Variants in JARID2 observed in about 807,000 individuals in gnomAD.
JARID2 encodes protein Jumonji.
In JARID2, 21 loss-of-function variants were observed where a neutral mutation model predicts 125.6. That is an observed-to-expected ratio of 0.17 (90% confidence interval 0.12 to 0.24). JARID2 has a LOEUF of 0.24. Among genes scored for constraint, JARID2 ranks in the 10% least tolerant of loss-of-function variants. JARID2 has a pLI of 1.00. For missense variants in JARID2, 1,303 were observed against 1,639.6 expected (o/e 0.79, Z 3.55); for synonymous variants, 736 against 661.6 (o/e 1.11, Z -1.73).
Position 15,513,070 on chromosome 6 carries a change from CAG to C in JARID2, c.3266+30_3266+31del. 1.9e-6 allele frequency: 3 copies of C among 1,613,692 alleles called. No homozygotes were observed. In the South Asian group the frequency reaches 3.3e-5, roughly 18 times the overall value. Reference sequence around the variant, plus strand: ...GGTAACAGACCCCCAGAGCCCACGCCAGAGAGCTGGACCCGGCTGCCCTTCGG... The same window carrying C: ...GGTAACAGACCCCCAGAGCCCACGCCAGAGCTGGACCCGGCTGCCCTTCGG... On this transcript the variant is annotated intron_variant, in intron 15 of 17. Transcript: ENST00000341776.
intron 1 of JARID2, among the ~76,000 whole-genome samples, chr6:15,333,867 GT>G (rs1762796702): frequency 6.6e-6 from 1 of 152,160 alleles, no homozygotes; most frequent in Non-Finnish European, 1.5e-5. Flanking sequence ...TGACTAGGGA[GT>G]CTTGGGGCCA....
intron 2 of JARID2, among the ~76,000 whole-genome samples, chr6:15,384,473 T>C (rs1174575678): frequency 6.6e-6 from 1 of 152,062 alleles, no homozygotes; most frequent in African/African-American, 2.4e-5. Flanking sequence ...TTGCCCCTTC[T>C]TCCCTTTTTC....
intron 5 of JARID2, among the ~76,000 whole-genome samples, chr6:15,486,805 A>ATTTTTTTT (rs766075740): frequency 7.4e-5 from 3 of 40,638 alleles, no homozygotes; most frequent in South Asian, 7.4e-4. Flanking sequence ...CTGAGAATAG[A>ATTTTTTTT]CTTTTTTTTT....
At chr6:15,292,417 C>T (rs989051752) in intron 1 of JARID2, among the ~76,000 whole-genome samples, 1 of 152,052 alleles carries the variant, frequency 6.6e-6, no homozygotes, top group African/African-American at 2.4e-5. Context: ...CTGCAGTTTT[C>T]TTTAACTATT....
chr6:15,442,075 G>A (rs1036859290), intron 3 of JARID2, among the ~76,000 whole-genome samples: 1 of 150,656 alleles, frequency 6.6e-6, no homozygotes, highest in African/African-American at 2.4e-5. Flanking sequence ...TAGCATTGTA[G>A]AATACAATTT....
chr6:15,500,263 C>T (rs546324421), intron 7 of JARID2, among the ~76,000 whole-genome samples: 4 of 152,286 alleles, frequency 2.6e-5, no homozygotes, highest in Admixed American at 1.3e-4. Flanking sequence ...TCTGGATGGG[C>T]GAGGGACGAG....
chr6:15,430,745 C>T (rs1237815253), intron 3 of JARID2, among the ~76,000 whole-genome samples: 1 of 152,104 alleles, frequency 6.6e-6, no homozygotes, highest in Non-Finnish European at 1.5e-5. Context: ...AGTCCAAGCC[C>T]ACTTAAGCTT....
At chr6:15,376,853 T>C (rs1764375034) in intron 2 of JARID2, among the ~76,000 whole-genome samples, 8 of 152,204 alleles carry the variant, frequency 5.3e-5, no homozygotes. Context: ...GTAGGTGTTT[T>C]CGGAGCATGA....
At chr6:15,437,601 G>T (rs1235867424) in intron 3 of JARID2, among the ~76,000 whole-genome samples, 1 of 152,040 alleles carries the variant, frequency 6.6e-6, no homozygotes, top group African/African-American at 2.4e-5. Flanking sequence ...GTTTTGGGGA[G>T]CCTGCTAATT....
At chr6:15,319,443 G>C (rs1762280683) in intron 1 of JARID2, among the ~76,000 whole-genome samples, 1 of 152,116 alleles carries the variant, frequency 6.6e-6, no homozygotes, top group South Asian at 2.1e-4. Flanking sequence ...AGTTGCCCAG[G>C]ATGGAGTCCA....
chr6:15,361,575 T>C (rs1206070459), intron 1 of JARID2, among the ~76,000 whole-genome samples: 1 of 152,244 alleles, frequency 6.6e-6, no homozygotes, highest in Non-Finnish European at 1.5e-5. Context: ...TTGCTTTCCC[T>C]AGCAGCTTTA....
intron 7 of JARID2, among the ~76,000 whole-genome samples, chr6:15,499,035 G>A (rs1219524493): frequency 1.3e-5 from 2 of 152,102 alleles, no homozygotes; most frequent in African/African-American, 2.4e-5. Flanking sequence ...CTTTACCCTC[G>A]ACTCCCTTAC....
At chr6:15,445,999 A>C (rs193176053) in intron 3 of JARID2, among the ~76,000 whole-genome samples, 2 of 152,162 alleles carry the variant, frequency 1.3e-5, no homozygotes, top group Non-Finnish European at 2.9e-5. Flanking sequence ...CTGGAGCACA[A>C]CAATACCAAG....
intron 2 of JARID2, among the ~76,000 whole-genome samples, chr6:15,391,844 T>C (rs1223777005): frequency 6.6e-6 from 1 of 152,188 alleles, no homozygotes; most frequent in African/African-American, 2.4e-5. Flanking sequence ...GGTGAGTGGC[T>C]TTGGGGTGTT....
chr6:15,304,972 T>C (rs1483581433), intron 1 of JARID2, among the ~76,000 whole-genome samples: 1 of 152,124 alleles, frequency 6.6e-6, no homozygotes, highest in Admixed American at 6.6e-5. Flanking sequence ...CAACCAGTTA[T>C]GATGGAACAT....
intron 1 of JARID2, among the ~76,000 whole-genome samples, chr6:15,268,358 T>C (rs1382180341): frequency 6.6e-6 from 1 of 152,234 alleles, no homozygotes; most frequent in South Asian, 2.1e-4. Flanking sequence ...GGAGTGCAGC[T>C]TAACGCCAGG....
At chr6:15,439,054 G>C (rs1453513064) in intron 3 of JARID2, among the ~76,000 whole-genome samples, 2 of 151,336 alleles carry the variant, frequency 1.3e-5, no homozygotes, top group African/African-American at 4.9e-5. Context: ...AAAAAGGTGT[G>C]GGGGGTGCTT....
chr6:15,439,108 A>G (rs1287094432), intron 3 of JARID2, among the ~76,000 whole-genome samples: 1 of 151,842 alleles, frequency 6.6e-6, no homozygotes, highest in Non-Finnish European at 1.5e-5. Flanking sequence ...AGGCAAACCC[A>G]GCTACAGTGC....
At chr6:15,248,937 C>A in intron 1 of JARID2, 1 of 985,722 alleles carries the variant, frequency 1.0e-6, no homozygotes, top group Non-Finnish European at 1.2e-6. Context: ...CTCTGCCTTC[C>A]GCTCCGGAGC....
Sources: allele counts gnomAD v4.1 joint callset (sites outside exome capture counted in the v4.1 genomes callset), GRCh38; gene constraint gnomAD v4.1.1; transcripts MANE v1.5; gene names NCBI Gene and HGNC (gene_info 2026-07-23, HGNC 2026-07-21).